TCF7L2: variants seen among roughly 807,000 people sequenced by gnomAD.
The protein encoded by TCF7L2 is transcription factor 7-like 2.
Under a neutral mutation model 77.9 loss-of-function variants are expected in TCF7L2, and 23 were observed. The observed-to-expected ratio is 0.30, with a 90% CI of 0.21 to 0.42. TCF7L2 has a LOEUF of 0.42. TCF7L2 is among the 10% of genes least tolerant of loss of function. The pLI is 1.00. For synonymous variants in TCF7L2, 413 were observed against 340.2 expected (o/e 1.21, Z -2.36); for missense variants, 654 against 793.1 (o/e 0.82, Z 2.11).
intron 5 of TCF7L2, among the ~76,000 whole-genome samples, chr10:113,118,612 C>T (rs900823732): frequency 6.7e-6 from 1 of 149,336 alleles, no homozygotes. Flanking sequence ...TGGATAGGCC[C>T]TACCAGGAGA....
chr10:113,005,675 G>A (rs2045416798), intron 4 of TCF7L2, among the ~76,000 whole-genome samples: 1 of 152,126 alleles, frequency 6.6e-6, no homozygotes. Flanking sequence ...GGTGAGGCTT[G>A]CTCCAGAAAG....
chr10:113,064,355 C>G (rs557297758), intron 5 of TCF7L2, among the ~76,000 whole-genome samples: 1 of 152,186 alleles, frequency 6.6e-6, no homozygotes, highest in Non-Finnish European at 1.5e-5. Context: ...GTAGTAGGCT[C>G]ACATCTGCTT....
intron 7 of TCF7L2, among the ~76,000 whole-genome samples, chr10:113,145,105 T>C (rs982092590): frequency 4.2e-5 from 6 of 142,776 alleles, no homozygotes; most frequent in African/African-American, 1.5e-4. Flanking sequence ...GTTAGATAGA[T>C]TCTATGCTGT....
intron 4 of TCF7L2, among the ~76,000 whole-genome samples, chr10:112,988,130 T>G (rs903849093): frequency 1.3e-5 from 2 of 151,352 alleles, no homozygotes; most frequent in African/African-American, 2.4e-5. Flanking sequence ...AGACAGAGTC[T>G]TGCTCTTGTT....
Position 112,951,292 on chromosome 10 carries a change from CCCCGCAGCCG to C in TCF7L2, c.256+24_256+33del, listed in dbSNP as rs996182292. On this transcript the variant is annotated intron_variant, in intron 2 of 13. Transcript: ENST00000627217. ...GAAGAAGGTGAGTACGCCCCGCGCGCCCCGCAGCCGCCCGGAGCCGCCCCCCGGGCCGGCC... is the reference window on the plus strand; with the variant it reads ...GAAGAAGGTGAGTACGCCCCGCGCGCCCCGGAGCCGCCCCCCGGGCCGGCC... 8.3e-6 allele frequency: 11 copies of C among 1,318,730 alleles called. No individual in the cohort carries two copies. The highest frequency in any genetic ancestry group is 4.7e-5 in the African/African-American group (3 of 64,456). The allele number at this position is 1,318,730 out of a possible 1,614,324, so 81.7% of individuals were successfully genotyped here. A position where few individuals can be genotyped will look rare whatever the true frequency, so the allele number is the denominator to read the frequency against.
chr10:112,964,691 C>A, intron 4 of TCF7L2, 67 bp downstream of exon 4: 2 of 1,335,944 alleles, frequency 1.5e-6, no homozygotes, highest in East Asian at 2.5e-5. Context: ...GTTTTATTCT[C>A]CGCCCCTTCC....
Position 113,165,889 on chromosome 10 carries a change from T to G in TCF7L2, c.1726T>G (p.Ser576Ala). Residue 576 changes from serine to alanine, a missense_variant, in exon 14 of 14, where the codon TCG becomes GCG. Coordinates refer to ENST00000627217, the MANE Select transcript of TCF7L2 (RefSeq NM_001146274.2). The stretch of plus-strand genomic sequence containing the variant: ...CCCCTCCTCATCAATTGCACAGCCG[T>G]CGACTTCTTCCTTACATTCCCACAG... The G allele has an allele frequency of 6.2e-7, 1 of 1,602,178 alleles. No individual in the cohort carries two copies. Among genetic ancestry groups the G allele is most frequent in the East Asian group, 2.2e-5 (1 of 44,698 alleles).
intron 5 of TCF7L2, among the ~76,000 whole-genome samples, chr10:113,093,033 C>T (rs1031111112): frequency 6.6e-6 from 1 of 152,172 alleles, no homozygotes; most frequent in Admixed American, 6.5e-5. Context: ...CAAGGTGCTT[C>T]CCCGCTCCGT....
intron 5 of TCF7L2, among the ~76,000 whole-genome samples, chr10:113,096,729 T>C (rs2061015756): frequency 6.6e-6 from 1 of 152,112 alleles, no homozygotes; most frequent in South Asian, 2.1e-4. Flanking sequence ...ACAGCCAGCT[T>C]CAGAGGCCAG....
chr10:113,022,507 G>T (rs1295168574), intron 4 of TCF7L2, among the ~76,000 whole-genome samples: 1 of 152,160 alleles, frequency 6.6e-6, no homozygotes, highest in East Asian at 1.9e-4. Flanking sequence ...TAGGGGCCAG[G>T]CTGGTTAACT....
intron 5 of TCF7L2, among the ~76,000 whole-genome samples, chr10:113,049,626 A>G (rs1382465791): frequency 1.3e-5 from 2 of 152,112 alleles, no homozygotes; most frequent in African/African-American, 2.4e-5. Flanking sequence ...TCTGGTCTCC[A>G]TAGCTCACTC....
rs375652023 is a variant in TCF7L2, at chr10:113,127,741, A to C, written c.553-13443A>C. On this transcript the variant is annotated intron_variant, in intron 5 of 13. Coordinates refer to ENST00000627217, the MANE Select transcript of TCF7L2 (RefSeq NM_001146274.2). ...GATGAATTTAGAGTAGTGCGATGGGATGGCAAATATCCGGAAAGAGTTTCT... is the reference window on the plus strand; with the variant it reads ...GATGAATTTAGAGTAGTGCGATGGGCTGGCAAATATCCGGAAAGAGTTTCT... Among the ~76,000 whole-genome samples, 15 of 152,048 alleles carry C rather than the reference A, an allele frequency of 9.9e-5. No individual in the cohort carries two copies. In the East Asian group the frequency reaches 2.9e-3, roughly 29 times the overall value.
intron 5 of TCF7L2, among the ~76,000 whole-genome samples, chr10:113,124,209 T>A (rs63105561): frequency 1.3e-5 from 2 of 150,690 alleles, no homozygotes; most frequent in African/African-American, 4.9e-5. Flanking sequence ...AAATTTTTTT[T>A]ATGAGAACTT....
At chr10:113,076,532 CT>C (rs1157849727) in intron 5 of TCF7L2, among the ~76,000 whole-genome samples, 2 of 152,190 alleles carry the variant, frequency 1.3e-5, no homozygotes, top group Non-Finnish European at 2.9e-5. Flanking sequence ...TAAGTTATAG[CT>C]CCAGATTACC....
At chr10:112,961,444 G>C (rs1241359440) in intron 3 of TCF7L2, among the ~76,000 whole-genome samples, 1 of 152,142 alleles carries the variant, frequency 6.6e-6, no homozygotes, top group African/African-American at 2.4e-5. Flanking sequence ...AGCTTCTGGA[G>C]AGAGAAATGA....
At chr10:112,966,000 C>A (rs2134674013) in intron 4 of TCF7L2, among the ~76,000 whole-genome samples, 1 of 151,272 alleles carries the variant, frequency 6.6e-6, no homozygotes, top group South Asian at 2.1e-4. Context: ...ATGGTGAAAC[C>A]CCATCTCTAC....
At chr10:113,126,930 G>T (rs1365866852) in intron 5 of TCF7L2, 6 of 985,128 alleles carry the variant, frequency 6.1e-6, no homozygotes, top group Non-Finnish European at 7.2e-6. Flanking sequence ...GCGGTGGCCG[G>T]CCCGCTGCAT....
chr10:113,006,630 A>T, intron 4 of TCF7L2, among the ~76,000 whole-genome samples: 1 of 152,202 alleles, frequency 6.6e-6, no homozygotes, highest in Admixed American at 6.5e-5. Flanking sequence ...CCCAGAAGGA[A>T]CTACTTCTGA....
In TCF7L2 at chr10:113,121,169, A is replaced by T. The variant is rs544422305; in HGVS notation, c.553-20015A>T. The stretch of plus-strand genomic sequence containing the variant: ...TGGAGACTTGACATGTTTCAACTGA[A>T]TGAAAAATCATGATACCTTTACCAA... On this transcript the variant is annotated intron_variant, in intron 5 of 13. Coordinates refer to ENST00000627217, the MANE Select transcript of TCF7L2 (RefSeq NM_001146274.2). 1.2e-4 allele frequency among the ~76,000 whole-genome samples: 18 copies of T among 152,324 alleles called. No individual in the cohort carries two copies. The South Asian group carries it at 3.7e-3, about 32-fold the overall frequency.
Sources: gnomAD v4.1 joint callset for allele counts (sites outside exome capture counted in the v4.1 genomes callset) on GRCh38, gnomAD v4.1.1 for gene constraint, MANE v1.5 for transcripts, NCBI Gene and HGNC (gene_info 2026-07-23, HGNC 2026-07-21) for gene names.